DLGAP1: variants seen among roughly 807,000 people sequenced by gnomAD.
DLGAP1 encodes DLG associated protein 1, also known as disks large-associated protein 1.
Under a neutral mutation model 90.8 loss-of-function variants are expected in DLGAP1, and 11 were observed. The ratio of observed to expected loss-of-function variants is 0.12; its 90% CI spans 0.08 to 0.20. The LOEUF (loss-of-function observed/expected upper bound fraction) is 0.20. DLGAP1 is among the 10% of genes least tolerant of loss of function. The probability of loss-of-function intolerance (pLI) is 1.00; values close to 1 mark genes in which losing one functional copy is unlikely to be tolerated. For missense variants in DLGAP1, 1,050 were observed against 1,333.8 expected, an observed-to-expected ratio of 0.79 and a Z score of 3.31; for synonymous variants, 558 against 540.7, an observed-to-expected ratio of 1.03 and a Z score of -0.44.
chr18:4,429,017 T>C (rs996488382), intron 1 of DLGAP1, among the ~76,000 whole-genome samples: 1 of 152,210 alleles, frequency 6.6e-6, no homozygotes, highest in African/African-American at 2.4e-5. Flanking sequence ...CCAGGGCATT[T>C]GTCAACCAAG....
In DLGAP1 at chr18:3,852,430, C is replaced by T. The variant is rs200554383; in HGVS notation, c.957+26682G>A. ...GAGTCAAAGATTTTCTCTCTAATAACGCTCCCCTTCAGTATCAAGACTCAA... is the reference window on the plus strand; with the variant it reads ...GAGTCAAAGATTTTCTCTCTAATAATGCTCCCCTTCAGTATCAAGACTCAA... On this transcript the variant is annotated intron_variant, in intron 4 of 12. Coordinates refer to ENST00000315677, the MANE Select transcript of DLGAP1 (RefSeq NM_004746.4). Among the ~76,000 whole-genome samples the T allele has an allele frequency of 9.6e-4, 146 of 152,264 alleles. No individual in the cohort carries two copies. In the South Asian group the frequency reaches 0.014, roughly 14 times the overall value.
intron 1 of DLGAP1, among the ~76,000 whole-genome samples, chr18:4,255,822 TA>T (rs1568474432): frequency 6.6e-6 from 1 of 152,098 alleles, no homozygotes; most frequent in African/African-American, 2.4e-5. Flanking sequence ...AGAAAACATA[TA>T]AAAAAGCTAT....
chr18:4,379,429 C>T (rs1167032937), intron 1 of DLGAP1, among the ~76,000 whole-genome samples: 1 of 152,090 alleles, frequency 6.6e-6, no homozygotes, highest in Non-Finnish European at 1.5e-5. Flanking sequence ...GTCTTAGATA[C>T]CTGATGGGGA....
chr18:3,664,363 G>T (rs1397902325), intron 7 of DLGAP1, among the ~76,000 whole-genome samples: 1 of 152,100 alleles, frequency 6.6e-6, no homozygotes, highest in Non-Finnish European at 1.5e-5. Context: ...ATAATATAAT[G>T]ATTGTTTTTC....
chr18:3,663,991 CTG>C (rs1218502984), intron 7 of DLGAP1, among the ~76,000 whole-genome samples: 1 of 152,190 alleles, frequency 6.6e-6, no homozygotes, highest in African/African-American at 2.4e-5. Context: ...AGAGAATTCT[CTG>C]TCTCTGCTGG....
At position 4,109,300 on chromosome 18, in the gene DLGAP1, A is replaced by C. The variant is rs1011617233; in HGVS notation, c.-159+41880T>G. 5.1e-4 allele frequency among the ~76,000 whole-genome samples: 77 copies of C among 152,064 alleles called. 1 individual carries two copies. Among genetic ancestry groups the C allele is most frequent in the Non-Finnish European group, 2.4e-4 (16 of 68,022 alleles). On this transcript the variant is annotated intron_variant, in intron 2 of 12. Coordinates refer to ENST00000315677, the MANE Select transcript of DLGAP1 (RefSeq NM_004746.4). ...TCATGTAATTATATTAGGCCCACTAAAATAATCAACTTTTTGCCATTTAAC... is the reference window on the plus strand; with the variant it reads ...TCATGTAATTATATTAGGCCCACTACAATAATCAACTTTTTGCCATTTAAC...
chr18:3,513,755 G>A (rs1041983133), intron 10 of DLGAP1, among the ~76,000 whole-genome samples: 6 of 152,176 alleles, frequency 3.9e-5, no homozygotes, highest in African/African-American at 1.4e-4. Flanking sequence ...GGAAAGGGGA[G>A]TCTTTTATGC....
At chr18:4,225,525 C>A (rs929373763) in intron 1 of DLGAP1, among the ~76,000 whole-genome samples, 5 of 151,970 alleles carry the variant, frequency 3.3e-5, no homozygotes, top group African/African-American at 1.2e-4. Flanking sequence ...TTTAAAATAG[C>A]TTTTTTGAGG....
At chr18:3,527,410 C>CTGTTTTTTTTTTTTTTTTTTTTTTT (rs1555668846) in intron 10 of DLGAP1, among the ~76,000 whole-genome samples, 1 of 100,684 alleles carries the variant, frequency 9.9e-6, no homozygotes. Context: ...ATTTTCCAAA[C>CTGTTTTTTTTTTTTTTTTTTTTTTT]TTTTTTTTTT....
At chr18:3,558,229 T>C (rs1309257799) in intron 9 of DLGAP1, among the ~76,000 whole-genome samples, 1 of 152,040 alleles carries the variant, frequency 6.6e-6, no homozygotes, top group Non-Finnish European at 1.5e-5. Context: ...CTCATGTATT[T>C]TGTAGTTTTT....
chr18:4,314,385 A>C (rs568878792), intron 1 of DLGAP1, among the ~76,000 whole-genome samples: 9 of 152,084 alleles, frequency 5.9e-5, no homozygotes, highest in Non-Finnish European at 1.3e-4. Flanking sequence ...CTCTAATCAC[A>C]AATTTGTAAT....
At chr18:4,101,828 C>A (rs2075782654) in intron 2 of DLGAP1, among the ~76,000 whole-genome samples, 1 of 151,222 alleles carries the variant, frequency 6.6e-6, no homozygotes. Context: ...CTGTAACTGC[C>A]TATATATGTA....
chr18:3,842,612 T>C (rs2068781590), intron 4 of DLGAP1, among the ~76,000 whole-genome samples: 1 of 151,704 alleles, frequency 6.6e-6, no homozygotes. Context: ...CATTCATTCA[T>C]TCAACTAACT....
intron 5 of DLGAP1, among the ~76,000 whole-genome samples, chr18:3,808,873 T>A (rs558849938): frequency 6.6e-6 from 1 of 152,288 alleles, no homozygotes; most frequent in African/African-American, 2.4e-5. Context: ...GGTTTTGGGC[T>A]CCTCACGTAG....
At chr18:3,950,935 G>GA (rs1166730368) in intron 3 of DLGAP1, among the ~76,000 whole-genome samples, 1 of 152,182 alleles carries the variant, frequency 6.6e-6, no homozygotes, top group Non-Finnish European at 1.5e-5. Flanking sequence ...TATGGTCAAG[G>GA]AATGACAAGA....
At chr18:4,347,437 C>A (rs913344163) in intron 1 of DLGAP1, among the ~76,000 whole-genome samples, 1 of 151,748 alleles carries the variant, frequency 6.6e-6, no homozygotes, top group African/African-American at 2.4e-5. Flanking sequence ...AATATCAATG[C>A]AAAAGTACTA....
At chr18:3,937,125 T>C (rs75623602) in intron 3 of DLGAP1, among the ~76,000 whole-genome samples, 1 of 152,226 alleles carries the variant, frequency 6.6e-6, no homozygotes. Flanking sequence ...AGGAGATTGC[T>C]GTACACCTCA....
At chr18:3,842,314 C>T (rs966030901) in intron 4 of DLGAP1, among the ~76,000 whole-genome samples, 3 of 152,124 alleles carry the variant, frequency 2.0e-5, no homozygotes, top group African/African-American at 7.2e-5. Context: ...CTACATCATA[C>T]TCTCTAAGTC....
chr18:3,618,412 A>G (rs1212726685), intron 7 of DLGAP1, among the ~76,000 whole-genome samples: 1 of 151,964 alleles, frequency 6.6e-6, no homozygotes, highest in African/African-American at 2.4e-5. Flanking sequence ...TCCGACACAA[A>G]CACTCACTGG....
Sources: gnomAD v4.1 joint callset for allele counts (sites outside exome capture counted in the v4.1 genomes callset) on GRCh38, gnomAD v4.1.1 for gene constraint, MANE v1.5 for transcripts, NCBI Gene and HGNC (gene_info 2026-07-23, HGNC 2026-07-21) for gene names.